KIRREL3: variants seen among roughly 807,000 people sequenced by gnomAD.
KIRREL3 encodes the protein kin of IRRE-like protein 3.
A neutral mutation model predicts 89.7 loss-of-function variants in KIRREL3; 36 were observed. The ratio of observed to expected loss-of-function variants is 0.40; its 90% CI spans 0.31 to 0.53. The LOEUF is 0.53. KIRREL3 is among the 20% of genes least tolerant of loss of function. The pLI is 0.49. For synonymous variants in KIRREL3, 445 were observed against 441.4 expected, an observed-to-expected ratio of 1.01 and a Z score of -0.10; for missense variants, 864 against 1,056.6, an observed-to-expected ratio of 0.82 and a Z score of 2.53.
chr11:126,649,461 G>A (rs1185723146), intron 1 of KIRREL3, among the ~76,000 whole-genome samples: 1 of 152,170 alleles, frequency 6.6e-6, no homozygotes, highest in Non-Finnish European at 1.5e-5. Context: ...GATAAAATGA[G>A]GGTACAGGTA....
At chr11:126,493,518 G>A (rs1255361100) in intron 4 of KIRREL3, among the ~76,000 whole-genome samples, 3 of 152,058 alleles carry the variant, frequency 2.0e-5, no homozygotes, top group African/African-American at 7.2e-5. Context: ...AGCCGGGTGT[G>A]GTGGTGGGTG....
At chr11:126,888,573 A>G (rs949589925) in intron 1 of KIRREL3, among the ~76,000 whole-genome samples, 1 of 152,230 alleles carries the variant, frequency 6.6e-6, no homozygotes, top group African/African-American at 2.4e-5. Flanking sequence ...AGTCCCACTT[A>G]TCTTAGAATG....
Position 126,737,649 on chromosome 11 carries a change from C to T in KIRREL3, c.56-174737G>A, listed in dbSNP as rs115423674. Reference sequence around the variant, plus strand: ...GTACATGCCTGCCTCTTCCCCAGCTCGGAATTCTCCAGTAGAGGGGGGCAT... The same window carrying T: ...GTACATGCCTGCCTCTTCCCCAGCTTGGAATTCTCCAGTAGAGGGGGGCAT... On this transcript the variant is annotated intron_variant, in intron 1 of 16. Coordinates refer to ENST00000525144, the MANE Select transcript of KIRREL3 (RefSeq NM_032531.4). Among the ~76,000 whole-genome samples, 1,196 of 152,310 alleles carry T rather than the reference C, an allele frequency of 7.9e-3. 6 individuals carry two copies. The highest frequency in any genetic ancestry group is 0.054 in the Middle Eastern group (16 of 294).
intron 5 of KIRREL3, among the ~76,000 whole-genome samples, chr11:126,468,496 T>C (rs1029177607): frequency 2.6e-5 from 4 of 152,218 alleles, no homozygotes; most frequent in Admixed American, 2.6e-4. Context: ...GGGGAGGGAC[T>C]GGGTGCTTCC....
intron 2 of KIRREL3, among the ~76,000 whole-genome samples, chr11:126,552,871 CT>C (rs141567463): frequency 0.077 from 11,291 of 147,444 alleles, 1,232 homozygotes; most frequent in African/African-American, 0.24. Context: ...CCAAGAAAAG[CT>C]TTTTTTTTTA....
chr11:126,910,038 C>G (rs559448367), intron 1 of KIRREL3, among the ~76,000 whole-genome samples: 2 of 152,126 alleles, frequency 1.3e-5, no homozygotes, highest in Admixed American at 1.3e-4. Context: ...TTAAAATCAG[C>G]CTAAATTGTC....
intron 1 of KIRREL3, among the ~76,000 whole-genome samples, chr11:126,846,665 A>ACAAAC (rs1295588966): frequency 1.3e-5 from 2 of 152,070 alleles, no homozygotes; most frequent in Admixed American, 6.5e-5. Context: ...TAAAAACAAA[A>ACAAAC]CAAAACAAAA....
upstream of KIRREL3, chr11:127,003,101 G>T (rs1325244355): frequency 6.6e-6 from 1 of 151,032 alleles, no homozygotes; most frequent in African/African-American, 2.5e-5. Context: ...TGTAACCTCC[G>T]GTCTCCCGCA....
rs943223703 is a variant in KIRREL3, at chr11:126,940,357, T to C, written c.55+60098A>G. 1.3e-5 allele frequency: 2 copies of C among 152,148 alleles called. No individual in the cohort carries two copies. Among genetic ancestry groups the C allele is most frequent in the Non-Finnish European group, 2.9e-5 (2 of 68,046 alleles). 9.4% of individuals were successfully genotyped at this position (152,148 alleles called of 1,614,324 possible). A position where few individuals can be genotyped will look rare whatever the true frequency, so the allele number is the denominator to read the frequency against. Reference sequence around the variant, plus strand: ...GGGTTCCAGATAATAAAAAGATTTATAATTACGCCAGTAGATTTACTTTTG... The same window carrying C: ...GGGTTCCAGATAATAAAAAGATTTACAATTACGCCAGTAGATTTACTTTTG... On this transcript the variant is annotated intron_variant, in intron 1 of 16. Coordinates refer to ENST00000525144, the MANE Select transcript of KIRREL3 (RefSeq NM_032531.4). This position sits in a 1 kb window ranked among gnomAD's most constrained non-coding sequence, Gnocchi z 4.6.
rs1565402482 is a variant in KIRREL3 at position 126,904,650 on chromosome 11, C to G, written c.55+95805G>C. 6.6e-6 allele frequency among the ~76,000 whole-genome samples: 1 copy of G among 152,166 alleles called. No individual in the cohort carries two copies. Among genetic ancestry groups the G allele is most frequent in the Non-Finnish European group, 1.5e-5 (1 of 68,022 alleles). On this transcript the variant is annotated intron_variant, in intron 1 of 16. Coordinates refer to ENST00000525144, the MANE Select transcript of KIRREL3 (RefSeq NM_032531.4). The surrounding 1 kb of genome is among the most constrained non-coding windows in gnomAD (Gnocchi z 4.4). Reference sequence around the variant, plus strand: ...TCTTACAAGGCTGTTCTTACTTATACCAAGAACAATCTGTCTCCTGCTACA... The same window carrying G: ...TCTTACAAGGCTGTTCTTACTTATAGCAAGAACAATCTGTCTCCTGCTACA...
In KIRREL3 at chr11:126,871,352, T is replaced by C. The variant is rs377661123; in HGVS notation, c.55+129103A>G. 9.9e-5 allele frequency among the ~76,000 whole-genome samples: 15 copies of C among 152,220 alleles called. No homozygotes were observed. The East Asian group carries it at 2.7e-3, about 28-fold the overall frequency. On this transcript the variant is annotated intron_variant, in intron 1 of 16. Transcript: ENST00000525144. Reference sequence around the variant, plus strand: ...CAGCACAAATGGCAGGCATGCTGGGTTGTTTAGGTCCTGTTTCATGCTACA... The same window carrying C: ...CAGCACAAATGGCAGGCATGCTGGGCTGTTTAGGTCCTGTTTCATGCTACA...
At chr11:126,956,215 G>C (rs953092864) in intron 1 of KIRREL3, among the ~76,000 whole-genome samples, 7 of 152,156 alleles carry the variant, frequency 4.6e-5, no homozygotes, top group Non-Finnish European at 8.8e-5. Context: ...GCCAGGCATC[G>C]AGCCGTGCAT....
In KIRREL3 at chr11:126,778,333, C is replaced by T. The variant is rs377106572; in HGVS notation, c.56-215421G>A. On this transcript the variant is annotated intron_variant, in intron 1 of 16. Coordinates refer to ENST00000525144, the MANE Select transcript of KIRREL3 (RefSeq NM_032531.4). This position sits in a 1 kb window ranked among gnomAD's most constrained non-coding sequence, Gnocchi z 4.5. ...GGGATTTGTCTTGAAGTTGTGTTTG[C>T]GTAGCAATCACCCATTTTTATGGAG... Among the ~76,000 whole-genome samples, 14 of 152,190 alleles carry T rather than the reference C, an allele frequency of 9.2e-5. No homozygotes were observed. Among genetic ancestry groups the T allele is most frequent in the African/African-American group, 2.4e-4 (10 of 41,528 alleles).
chr11:126,698,264 G>A (rs1947178297), intron 1 of KIRREL3, among the ~76,000 whole-genome samples: 1 of 152,180 alleles, frequency 6.6e-6, no homozygotes, highest in Admixed American at 6.5e-5. Context: ...TGCTCACGGA[G>A]AGATGAGGGG....
At chr11:126,637,811 C>T (rs1319585485) in intron 1 of KIRREL3, among the ~76,000 whole-genome samples, 1 of 152,200 alleles carries the variant, frequency 6.6e-6, no homozygotes, top group Non-Finnish European at 1.5e-5. Flanking sequence ...GAAACATTTA[C>T]ACAATGTCTA....
intron 1 of KIRREL3, among the ~76,000 whole-genome samples, chr11:126,626,677 T>C (rs934515588): frequency 2.0e-5 from 3 of 152,196 alleles, no homozygotes; most frequent in Non-Finnish European, 2.9e-5. Context: ...TATCAGCCCG[T>C]TGATAAGTCT....
rs983054132 is a variant in KIRREL3, at chr11:126,465,791, C to T, written c.592-2484G>A. 5.9e-5 allele frequency among the ~76,000 whole-genome samples: 9 copies of T among 152,152 alleles called. No individual in the cohort carries two copies. In the East Asian group the frequency reaches 7.7e-4, roughly 13 times the overall value. ...TGAAGTTGAACCCCAAGCCAAAGCC[C>T]GGGCAGGGAGGGAGCAGCAGCTGGC... On this transcript the variant is annotated intron_variant, in intron 5 of 16. Coordinates refer to ENST00000525144, the MANE Select transcript of KIRREL3 (RefSeq NM_032531.4).
Position 126,475,236 on chromosome 11 carries a change from C to T in KIRREL3, c.434-1770G>A, listed in dbSNP as rs1283267755. 6.6e-6 allele frequency among the ~76,000 whole-genome samples: 1 copy of T among 152,204 alleles called. No individual in the cohort carries two copies. Among genetic ancestry groups the T allele is most frequent in the Admixed American group, 6.5e-5 (1 of 15,284 alleles). ...GGAGAAGTTCAGAGCTGAACAGTCACAGCTCCGGGCCCGTCCTGACTCCAC... is the reference window on the plus strand; with the variant it reads ...GGAGAAGTTCAGAGCTGAACAGTCATAGCTCCGGGCCCGTCCTGACTCCAC... On this transcript the variant is annotated intron_variant, in intron 4 of 16. Coordinates refer to ENST00000525144, the MANE Select transcript of KIRREL3 (RefSeq NM_032531.4). The surrounding 1 kb of genome is among the most constrained non-coding windows in gnomAD (Gnocchi z 7.5).
intron 1 of KIRREL3, among the ~76,000 whole-genome samples, chr11:126,577,592 C>CAAA (rs61210940): frequency 0.019 from 2,206 of 115,896 alleles, 78 homozygotes; most frequent in African/African-American, 0.056. Context: ...ACTAAAAATA[C>CAAA]AAAAAAAAAA....
Sources: gnomAD v4.1 joint callset for allele counts (sites outside exome capture counted in the v4.1 genomes callset) on GRCh38, gnomAD v4.1.1 for gene constraint, Gnocchi (gnomAD v3.1) non-coding constraint, MANE v1.5 for transcripts, NCBI Gene and HGNC (gene_info 2026-07-23, HGNC 2026-07-21) for gene names.